VEPH1: variants seen among roughly 807,000 people sequenced by gnomAD.
The protein encoded by VEPH1 is ventricular zone expressed PH domain containing 1.
A neutral mutation model predicts 85.2 loss-of-function variants in VEPH1; 80 were observed. The ratio of observed to expected loss-of-function variants is 0.94; its 90% CI spans 0.78 to 1.13. The LOEUF (loss-of-function observed/expected upper bound fraction) is 1.13. Ranked by LOEUF, VEPH1 falls within the 50% of genes most tolerant of loss-of-function variation. VEPH1 has a pLI of 0.00. For missense variants in VEPH1, 955 were observed against 980.5 expected (o/e 0.97, Z 0.35); for synonymous variants, 297 against 348.0 (o/e 0.85, Z 1.63).
chr3:157,503,087 G>A (rs966554489), intron 1 of VEPH1, among the ~76,000 whole-genome samples, 190 bp downstream of exon 1: 3 of 152,048 alleles, frequency 2.0e-5, no homozygotes, highest in East Asian at 1.9e-4. Context: ...TCTAATAACC[G>A]AAATGCCTGC....
At chr3:157,338,625 T>G (rs1723200619) in intron 9 of VEPH1, among the ~76,000 whole-genome samples, 1 of 152,242 alleles carries the variant, frequency 6.6e-6, no homozygotes, top group Non-Finnish European at 1.5e-5. Flanking sequence ...TCTTTTTCAA[T>G]GCTGAGATTC....
intron 6 of VEPH1, among the ~76,000 whole-genome samples, chr3:157,402,204 G>A (rs1434767711): frequency 6.6e-6 from 1 of 152,172 alleles, no homozygotes; most frequent in Non-Finnish European, 1.5e-5. Context: ...GTTTCCTTCA[G>A]GGAACATTTG....
At chr3:157,303,906 C>T (rs984536857) in intron 11 of VEPH1, among the ~76,000 whole-genome samples, 1 of 151,684 alleles carries the variant, frequency 6.6e-6, no homozygotes, top group Non-Finnish European at 1.5e-5. Flanking sequence ...CTCTAGCTTG[C>T]CCTGAAAGGA....
chr3:157,281,517 C>T (rs1716116224), intron 12 of VEPH1, among the ~76,000 whole-genome samples: 1 of 151,908 alleles, frequency 6.6e-6, no homozygotes, highest in Admixed American at 6.6e-5. Context: ...TGCTAGCCAC[C>T]ACATACATCA....
At chr3:157,459,794 G>A in intron 4 of VEPH1, 1 of 1,480,988 alleles carries the variant, frequency 6.8e-7, no homozygotes, top group African/African-American at 1.4e-5. Flanking sequence ...GACATTTCTT[G>A]CTTTTGGAAG....
chr3:157,450,246 G>A (rs151046692), intron 4 of VEPH1, among the ~76,000 whole-genome samples: 45 of 151,692 alleles, frequency 3.0e-4, no homozygotes, highest in African/African-American at 9.7e-4. Flanking sequence ...TAGTAGGGAC[G>A]AGGTCTTGCT....
rs150238302 is a variant in VEPH1, at chr3:157,381,209, G to A, written c.1074C>T (p.Ala358=). ...GTTGTCGGGTAAGGAGTTTAGCAAT[G>A]GCGGTGAAGCTGTTGCTCATGCGGA... ...DIFRMSNSFT[A]IAKLLTRQLE... is the part of the protein sequence containing the mutation. Residue 358 remains alanine, a synonymous_variant, in exon 7 of 14, where the codon GCC becomes GCT. Transcript: ENST00000362010. The A allele has an allele frequency of 1.6e-5, 26 of 1,613,892 alleles. No individual in the cohort carries two copies. Among genetic ancestry groups the A allele is most frequent in the Non-Finnish European group, 2.1e-5 (25 of 1,179,996 alleles).
At chr3:157,307,667 C>G (rs1035031333) in intron 11 of VEPH1, among the ~76,000 whole-genome samples, 2 of 151,748 alleles carry the variant, frequency 1.3e-5, no homozygotes, top group Non-Finnish European at 3.0e-5. Flanking sequence ...AAATTTCCTC[C>G]CCCACAGTCT....
At position 157,438,752 on chromosome 3, in the gene VEPH1, A is replaced by C. The variant is rs923400073; in HGVS notation, c.530-10264T>G. Among the ~76,000 whole-genome samples, 6 of 152,236 alleles carry C rather than the reference A, an allele frequency of 3.9e-5. 1 individual carries two copies. The highest frequency in any genetic ancestry group is 3.9e-4 in the Admixed American group (6 of 15,284). Reference sequence around the variant, plus strand: ...CAGACATGGGTTCCCAAAATAATACATTCTAAAGATGGTTAAAAGAAAGAA... The same window carrying C: ...CAGACATGGGTTCCCAAAATAATACCTTCTAAAGATGGTTAAAAGAAAGAA... On this transcript the variant is annotated intron_variant, in intron 4 of 13. Transcript: ENST00000362010.
At chr3:157,420,681 G>A (rs1013416178) in intron 5 of VEPH1, among the ~76,000 whole-genome samples, 6 of 152,148 alleles carry the variant, frequency 3.9e-5, no homozygotes, top group South Asian at 2.1e-4. Context: ...TCTTGGCCTC[G>A]ATTAGGTGTG....
At chr3:157,324,628 C>T (rs190891959) in intron 9 of VEPH1, among the ~76,000 whole-genome samples, 11 of 151,308 alleles carry the variant, frequency 7.3e-5, no homozygotes, top group East Asian at 3.9e-4. Context: ...GGGTAATGGC[C>T]TCCAGCTCCA....
rs564041132 is a variant in VEPH1 at position 157,299,106 on chromosome 3, G to A, written c.2011-12432C>T. Among the ~76,000 whole-genome samples, 37 of 152,206 alleles carry A rather than the reference G, an allele frequency of 2.4e-4. 1 individual carries two copies. The South Asian group carries it at 7.0e-3, about 29-fold the overall frequency. Reference sequence around the variant, plus strand: ...TGTGTCTTTTGGAGTTGTTTGTGGTGTATATTTGTGAGCCATACAAGAAAA... The same window carrying A: ...TGTGTCTTTTGGAGTTGTTTGTGGTATATATTTGTGAGCCATACAAGAAAA... On this transcript the variant is annotated intron_variant, in intron 11 of 13. Transcript: ENST00000362010.
chr3:157,297,840 A>T (rs1718322124), intron 11 of VEPH1, among the ~76,000 whole-genome samples: 1 of 152,210 alleles, frequency 6.6e-6, no homozygotes, highest in Non-Finnish European at 1.5e-5. Context: ...AAAAAGGGAC[A>T]TTAGTGAAGA....
In VEPH1 at chr3:157,461,918, G is replaced by A. The variant is rs866758042; in HGVS notation, c.355-1563C>T. 4.0e-5 allele frequency among the ~76,000 whole-genome samples: 6 copies of A among 151,012 alleles called. 1 individual carries two copies. In the South Asian group the frequency reaches 6.3e-4, roughly 16 times the overall value. Reference sequence around the variant, plus strand: ...ATTAACAATAAAAAAGTCATAAAGTGGATAAAATCAAGAACTTCTAGTCAT... The same window carrying A: ...ATTAACAATAAAAAAGTCATAAAGTAGATAAAATCAAGAACTTCTAGTCAT... On this transcript the variant is annotated intron_variant, in intron 3 of 13. Transcript: ENST00000362010.
At chr3:157,496,869 T>G (rs1189368706) in intron 1 of VEPH1, among the ~76,000 whole-genome samples, 1 of 152,248 alleles carries the variant, frequency 6.6e-6, no homozygotes, top group African/African-American at 2.4e-5. Flanking sequence ...ACTCTCTATA[T>G]GCAATTTTTG....
chr3:157,370,338 T>C (rs1727351616), intron 7 of VEPH1, among the ~76,000 whole-genome samples: 1 of 152,138 alleles, frequency 6.6e-6, no homozygotes. Context: ...AAAATAATAT[T>C]AGTTAATGTT....
chr3:157,271,112 C>G (rs1054110771), intron 12 of VEPH1, among the ~76,000 whole-genome samples: 3 of 152,166 alleles, frequency 2.0e-5, no homozygotes, highest in African/African-American at 4.8e-5. Context: ...TCGAACACCC[C>G]TCATGGGCTG....
chr3:157,413,951 A>T lies in VEPH1; in HGVS notation c.836T>A (p.Ile279Asn). The change falls in exon 6 of 14, where the codon ATT (isoleucine) becomes AAT (asparagine). Residue 279 changes from isoleucine to asparagine, a missense_variant. By Grantham distance (149) the Ile-to-Asn change is moderately radical (BLOSUM62 -3). Transcript: ENST00000362010. ...LNSFLPMLKE[I>N]GERFPYLTGQ... ...AGTGAGGTAGGGGAATCTCTCACCA[A>T]TCTCTTTCAGCATTGGAAGAAAACT... 6.2e-7 allele frequency: 1 copy of T among 1,613,650 alleles called. No homozygotes were observed. The highest frequency in any genetic ancestry group is 8.5e-7 in the Non-Finnish European group (1 of 1,179,740).
At chr3:157,437,573 A>C in intron 4 of VEPH1, 1 of 1,597,506 alleles carries the variant, frequency 6.3e-7, no homozygotes, top group Non-Finnish European at 8.5e-7. Flanking sequence ...ATCATGCTGG[A>C]GAACTCGCAG....
Sources: gnomAD v4.1 joint callset for allele counts (sites outside exome capture counted in the v4.1 genomes callset) on GRCh38, gnomAD v4.1.1 for gene constraint, MANE v1.5 for transcripts, NCBI Gene and HGNC (gene_info 2026-07-23, HGNC 2026-07-21) for gene names.